ITPR1: variants seen among roughly 807,000 people sequenced by gnomAD.
The protein encoded by ITPR1 is inositol 1,4,5-trisphosphate receptor type 1, also known as inositol 1,4,5-trisphosphate-gated calcium channel ITPR1.
Under a neutral mutation model 318.4 loss-of-function variants are expected in ITPR1, and 96 were observed. That is an observed-to-expected ratio of 0.30 (90% CI 0.26 to 0.36). The LOEUF is 0.36. ITPR1 is among the 10% of genes least tolerant of loss of function. The pLI is 1.00. For synonymous variants in ITPR1, 1,312 were observed against 1,289.9 expected (o/e 1.02, Z -0.37); for missense variants, 2,440 against 3,460.2 (o/e 0.71, Z 7.40).
chr3:4,595,155 A>T (rs2090702128), intron 4 of ITPR1, among the ~76,000 whole-genome samples: 2 of 152,236 alleles, frequency 1.3e-5, no homozygotes, highest in Non-Finnish European at 2.9e-5. Flanking sequence ...TTGCATTGCT[A>T]TAAAGAAATA....
At chr3:4,663,355 C>CA in intron 16 of ITPR1, 149 bp downstream of exon 16, 1 of 574,568 alleles carries the variant, frequency 1.7e-6, no homozygotes, top group Non-Finnish European at 2.9e-6. Context: ...GTGAGCTGAT[C>CA]GCATCACTGC....
At chr3:4,551,560 C>G (rs577693057) in intron 4 of ITPR1, among the ~76,000 whole-genome samples, 3 of 152,216 alleles carry the variant, frequency 2.0e-5, no homozygotes, top group African/African-American at 7.2e-5. Context: ...TCAGGGCTGA[C>G]GTTGGTTCTT....
chr3:4,807,859 C>A (rs2048687312), intron 55 of ITPR1, among the ~76,000 whole-genome samples: 1 of 152,192 alleles, frequency 6.6e-6, no homozygotes, highest in Non-Finnish European at 1.5e-5. Context: ...CCCTGGACAA[C>A]AAATTCCTGT....
chr3:4,648,979 T>C (rs374853382), intron 10 of ITPR1, among the ~76,000 whole-genome samples: 1 of 152,314 alleles, frequency 6.6e-6, no homozygotes, highest in African/African-American at 2.4e-5. Context: ...CAGAATTTGG[T>C]CTTGAACTTT....
intron 60 of ITPR1, among the ~76,000 whole-genome samples, chr3:4,834,178 C>T (rs2050719630): frequency 6.6e-6 from 1 of 152,206 alleles, no homozygotes; most frequent in Admixed American, 6.5e-5. Flanking sequence ...CAGGCACCAG[C>T]CACCAGGACT....
At chr3:4,541,652 A>T (rs1429471556) in intron 4 of ITPR1, among the ~76,000 whole-genome samples, 1 of 150,692 alleles carries the variant, frequency 6.6e-6, no homozygotes, top group African/African-American at 2.4e-5. Flanking sequence ...TTTGAGATGG[A>T]GTCTCACTCT....
intron 60 of ITPR1, among the ~76,000 whole-genome samples, chr3:4,832,629 C>T (rs942483147): frequency 7.9e-5 from 12 of 151,992 alleles, no homozygotes; most frequent in Non-Finnish European, 1.3e-4. Context: ...ACCAAGACTC[C>T]GTCTCAAAAA....
At chr3:4,563,665 G>T (rs1354575823) in intron 4 of ITPR1, among the ~76,000 whole-genome samples, 1 of 152,144 alleles carries the variant, frequency 6.6e-6, no homozygotes, top group African/African-American at 2.4e-5. Flanking sequence ...TTGTGTTGAT[G>T]TTCAGTGCTC....
chr3:4,722,615 G>A lies in ITPR1; in HGVS notation c.5137-2931G>A, dbSNP rs891127293. On this transcript the variant is annotated intron_variant, in intron 40 of 61. Coordinates refer to ENST00000649015, the MANE Select transcript of ITPR1 (RefSeq NM_001378452.1). ...TATGCTTATATTTATTGAAATTACA[G>A]CTTATTGCCATAAAATAACCTTATC... 2.6e-5 allele frequency among the ~76,000 whole-genome samples: 4 copies of A among 151,964 alleles called. No individual in the cohort carries two copies. In the South Asian group the frequency reaches 8.3e-4, roughly 32 times the overall value.
intron 2 of ITPR1, among the ~76,000 whole-genome samples, chr3:4,515,464 T>G (rs1396861102): frequency 1.3e-5 from 2 of 152,202 alleles, no homozygotes; most frequent in African/African-American, 4.8e-5. Flanking sequence ...TGGGTTGCCC[T>G]GGGCATCTCC....
In ITPR1 at chr3:4,523,328, G is replaced by A. The variant is rs180880911; in HGVS notation, c.163+2234G>A. On this transcript the variant is annotated intron_variant, in intron 4 of 61. Coordinates refer to ENST00000649015, the MANE Select transcript of ITPR1 (RefSeq NM_001378452.1). ...AATTTAAAATTTTGTTTTTTAAATCGACATATATTTATGGTGTACAACATG... is the reference window on the plus strand; with the variant it reads ...AATTTAAAATTTTGTTTTTTAAATCAACATATATTTATGGTGTACAACATG... 3.0e-4 allele frequency among the ~76,000 whole-genome samples: 46 copies of A among 152,116 alleles called. No homozygotes were observed. In the East Asian group the frequency reaches 5.8e-3, roughly 19 times the overall value.
At chr3:4,828,483 G>C (rs1559968308) in intron 60 of ITPR1, among the ~76,000 whole-genome samples, 1 of 152,134 alleles carries the variant, frequency 6.6e-6, no homozygotes, top group African/African-American at 2.4e-5. Flanking sequence ...GTCCAGCACG[G>C]GTGGCCGGCC....
intron 4 of ITPR1, among the ~76,000 whole-genome samples, chr3:4,557,560 G>T (rs2125011006): frequency 6.6e-6 from 1 of 152,192 alleles, no homozygotes; most frequent in East Asian, 1.9e-4. Context: ...GTGTTCAGCT[G>T]GGCCTGCTTT....
At chr3:4,600,290 T>A (rs1247554957) in intron 4 of ITPR1, among the ~76,000 whole-genome samples, 2 of 152,180 alleles carry the variant, frequency 1.3e-5, no homozygotes, top group Non-Finnish European at 1.5e-5. Flanking sequence ...ATTCTACACA[T>A]CCCTCAAGTT....
chr3:4,645,867 C>T (rs1278616196), intron 10 of ITPR1, 139 bp downstream of exon 10: 18 of 704,262 alleles, frequency 2.6e-5, no homozygotes, highest in East Asian at 2.5e-4. Flanking sequence ...CACACCTACA[C>T]ACACACACAG....
At chr3:4,800,180 A>G in intron 53 of ITPR1, 1 of 503,414 alleles carries the variant, frequency 2.0e-6, no homozygotes, top group South Asian at 3.0e-5. Context: ...AAGTAATGTC[A>G]AAGCTAAGAC....
intron 3 of ITPR1, 109 bp downstream of exon 3, chr3:4,516,692 C>T (rs2082195883): frequency 1.4e-6 from 1 of 739,590 alleles, no homozygotes; most frequent in Non-Finnish European, 2.3e-6. Flanking sequence ...ACTTGGCTTT[C>T]TAAGTGCGGT....
intron 4 of ITPR1, among the ~76,000 whole-genome samples, chr3:4,625,599 C>T (rs1247058939): frequency 6.6e-6 from 1 of 152,178 alleles, no homozygotes; most frequent in Non-Finnish European, 1.5e-5. Flanking sequence ...CTCTGTCGCC[C>T]AGGCTGGAGT....
intron 5 of ITPR1, among the ~76,000 whole-genome samples, chr3:4,632,897 C>T (rs1273584729): frequency 2.7e-5 from 4 of 145,746 alleles, no homozygotes; most frequent in African/African-American, 1.0e-4. Context: ...GTTCTTTTCC[C>T]TGATTTAAGA....
Sources: allele counts gnomAD v4.1 joint callset (sites outside exome capture counted in the v4.1 genomes callset), GRCh38; gene constraint gnomAD v4.1.1; transcripts MANE v1.5; gene names NCBI Gene and HGNC (gene_info 2026-07-23, HGNC 2026-07-21).